ROBO1: variants seen among roughly 807,000 people sequenced by gnomAD.
ROBO1 encodes roundabout homolog 1.
Under a neutral mutation model 195.9 loss-of-function variants are expected in ROBO1, and 149 were observed. The ratio of observed to expected loss-of-function variants is 0.76; its 90% CI spans 0.67 to 0.87. The LOEUF is 0.87. Ranked by LOEUF, ROBO1 falls within the 40% of genes least tolerant of loss-of-function variation. ROBO1 has a pLI of 0.00. For missense variants in ROBO1, 1,933 were observed against 2,068.3 expected (o/e 0.93, Z 1.27); for synonymous variants, 816 against 733.2 (o/e 1.11, Z -1.82).
chr3:79,580,481 C>CAATA (rs892892685), intron 2 of ROBO1, among the ~76,000 whole-genome samples: 2 of 151,398 alleles, frequency 1.3e-5, no homozygotes, highest in Admixed American at 6.6e-5. Flanking sequence ...GACTCTGTGT[C>CAATA]AATAAATAAA....
intron 2 of ROBO1, among the ~76,000 whole-genome samples, chr3:79,388,226 A>G (rs2036825986): frequency 6.6e-6 from 1 of 152,176 alleles, no homozygotes; most frequent in South Asian, 2.1e-4. Flanking sequence ...TACTTGAGGT[A>G]AACTTAGAAT....
At position 79,435,243 on chromosome 3, in the gene ROBO1, T is replaced by C. The variant is rs940889550; in HGVS notation, c.88+154581A>G. Among the ~76,000 whole-genome samples the C allele has an allele frequency of 2.8e-4, 42 of 151,932 alleles. 1 individual carries two copies. The highest frequency in any genetic ancestry group is 1.0e-3 in the African/African-American group (42 of 41,384). On this transcript the variant is annotated intron_variant, in intron 2 of 30. Transcript: ENST00000464233. ...ATAAATAAATAAAAATAAAACAAGG[T>C]TCTTTTAGAGACGATGGGAGGTGGG...
intron 2 of ROBO1, among the ~76,000 whole-genome samples, chr3:79,225,607 T>G (rs2082213696): frequency 1.3e-5 from 2 of 152,192 alleles, no homozygotes; most frequent in Non-Finnish European, 2.9e-5. Context: ...TTTCCATTTA[T>G]TGTCTAGTAC....
intron 4 of ROBO1, among the ~76,000 whole-genome samples, chr3:78,780,467 C>A (rs1019364243): frequency 2.0e-5 from 3 of 150,872 alleles, no homozygotes; most frequent in African/African-American, 7.3e-5. Context: ...TTTTTTTTTT[C>A]ATTCCATATA....
chr3:79,009,662 G>A (rs2077726667), intron 3 of ROBO1, among the ~76,000 whole-genome samples: 1 of 152,160 alleles, frequency 6.6e-6, no homozygotes, highest in Non-Finnish European at 1.5e-5. Context: ...TCATTGGCAG[G>A]AATTATGTGA....
chr3:79,537,349 C>T (rs577887594), intron 2 of ROBO1, among the ~76,000 whole-genome samples: 12 of 152,172 alleles, frequency 7.9e-5, no homozygotes, highest in Admixed American at 2.6e-4. Flanking sequence ...GGCATGGGAA[C>T]GTGCAGGAAG....
chr3:79,088,600 T>C (rs544764297), intron 3 of ROBO1, among the ~76,000 whole-genome samples: 7 of 152,266 alleles, frequency 4.6e-5, no homozygotes, highest in African/African-American at 1.7e-4. Flanking sequence ...TGATTAACTT[T>C]CTTTACTTAA....
At chr3:79,194,715 T>G (rs1347987388) in intron 2 of ROBO1, among the ~76,000 whole-genome samples, 1 of 151,718 alleles carries the variant, frequency 6.6e-6, no homozygotes, top group Non-Finnish European at 1.5e-5. Context: ...ACTTACTCTT[T>G]TATTGTAGTA....
In ROBO1 at chr3:78,958,547, G is replaced by C. The variant is rs572330633; in HGVS notation, c.173-19620C>G. Among the ~76,000 whole-genome samples, 3 of 152,100 alleles carry C rather than the reference G, an allele frequency of 2.0e-5. No homozygotes were observed. In the South Asian group the frequency reaches 6.2e-4, roughly 32 times the overall value. On this transcript the variant is annotated intron_variant, in intron 3 of 30. Coordinates refer to ENST00000464233, the MANE Select transcript of ROBO1 (RefSeq NM_002941.4). ...AGTTCTGAGAAATGCCTTCCGATAA[G>C]TACCCTCAGTTTGAAAACAGGAGTA...
At chr3:78,662,735 T>G (rs2107675833) in intron 14 of ROBO1, among the ~76,000 whole-genome samples, 1 of 152,304 alleles carries the variant, frequency 6.6e-6, no homozygotes, top group East Asian at 1.9e-4. Context: ...AAAAAAGTAC[T>G]TAACGTTTAT....
At chr3:79,184,117 G>A (rs2081393974) in intron 2 of ROBO1, among the ~76,000 whole-genome samples, 1 of 152,010 alleles carries the variant, frequency 6.6e-6, no homozygotes, top group African/African-American at 2.4e-5. Context: ...TGATGTCAAG[G>A]GGAAAAAATA....
intron 2 of ROBO1, among the ~76,000 whole-genome samples, chr3:79,275,874 T>C (rs557855737): frequency 6.8e-6 from 1 of 147,350 alleles, no homozygotes; most frequent in East Asian, 2.0e-4. Flanking sequence ...AGTAATCCCA[T>C]TTACAACAGC....
At position 78,677,889 on chromosome 3, in the gene ROBO1, C is replaced by A. The variant is rs1296113945; in HGVS notation, c.1343-7588G>T. ...AATATACATTTTTTTCAGCACCACA[C>A]CACACCTATTCCAAAATTGACCACG... On this transcript the variant is annotated intron_variant, in intron 10 of 30. Coordinates refer to ENST00000464233, the MANE Select transcript of ROBO1 (RefSeq NM_002941.4). 4.6e-5 allele frequency among the ~76,000 whole-genome samples: 7 copies of A among 151,450 alleles called. No homozygotes were observed. In the East Asian group the frequency reaches 1.2e-3, roughly 25 times the overall value.
In ROBO1 at chr3:78,810,621, A is replaced by G. The variant is rs139939430; in HGVS notation, c.500-63721T>C. 4.6e-5 allele frequency among the ~76,000 whole-genome samples: 7 copies of G among 152,120 alleles called. No homozygotes were observed. The East Asian group carries it at 1.4e-3, about 29-fold the overall frequency. ...ATTTATCTGACTTCTAACCCTGCTT[A>G]TATTGATGTACATTGTTGGTAAATC... On this transcript the variant is annotated intron_variant, in intron 4 of 30. Coordinates refer to ENST00000464233, the MANE Select transcript of ROBO1 (RefSeq NM_002941.4).
chr3:79,496,431 C>A (rs1017687435), intron 2 of ROBO1, among the ~76,000 whole-genome samples: 1 of 97,058 alleles, frequency 1.0e-5, no homozygotes, highest in Non-Finnish European at 2.1e-5. Context: ...GGCCGGACTG[C>A]GGACTGCAGT....
intron 2 of ROBO1, among the ~76,000 whole-genome samples, chr3:79,547,145 A>G (rs185512992): frequency 3.1e-5 from 4 of 130,390 alleles, no homozygotes; most frequent in Admixed American, 1.8e-4. Flanking sequence ...AGATCGTGCC[A>G]CTGCACTCCA....
intron 3 of ROBO1, among the ~76,000 whole-genome samples, chr3:78,947,461 T>C (rs1037661762): frequency 2.6e-5 from 4 of 152,224 alleles, no homozygotes; most frequent in Non-Finnish European, 5.9e-5. Flanking sequence ...AATAAAGATG[T>C]TCTTTGAAAC....
chr3:79,079,331 T>C (rs1576648236), intron 3 of ROBO1, among the ~76,000 whole-genome samples: 2 of 151,816 alleles, frequency 1.3e-5, no homozygotes, highest in South Asian at 2.1e-4. Context: ...GAATAGACTA[T>C]GTAGACATAA....
rs1219114802 is a variant in ROBO1 at position 79,237,679 on chromosome 3, A to C, written c.89-112140T>G. On this transcript the variant is annotated intron_variant, in intron 2 of 30. Coordinates refer to ENST00000464233, the MANE Select transcript of ROBO1 (RefSeq NM_002941.4). Reference sequence around the variant, plus strand: ...TCACTCTATCCGAGTCATACACGTAATTTTTGTCAAATGTTATTTGCCAAA... The same window carrying C: ...TCACTCTATCCGAGTCATACACGTACTTTTTGTCAAATGTTATTTGCCAAA... Among the ~76,000 whole-genome samples the C allele has an allele frequency of 2.0e-5, 3 of 152,176 alleles. No homozygotes were observed. In the East Asian group the frequency reaches 5.8e-4, roughly 29 times the overall value.
Sources: gnomAD v4.1 joint callset for allele counts (sites outside exome capture counted in the v4.1 genomes callset) on GRCh38, gnomAD v4.1.1 for gene constraint, MANE v1.5 for transcripts, NCBI Gene and HGNC (gene_info 2026-07-23, HGNC 2026-07-21) for gene names.